Variants in PTPRM observed in about 807,000 individuals in gnomAD.
PTPRM encodes the protein receptor-type tyrosine-protein phosphatase mu.
PTPRM carries 47 observed loss-of-function variants against 186.7 expected under a neutral mutation model. The ratio of observed to expected loss-of-function variants is 0.25; its 90% CI spans 0.20 to 0.32. The LOEUF (loss-of-function observed/expected upper bound fraction) is 0.32, where lower values mean the gene tolerates loss of function less well. PTPRM is among the 10% of genes least tolerant of loss of function. The pLI, the probability that PTPRM is intolerant of heterozygous loss-of-function variation, is 1.00. For synonymous variants in PTPRM, 668 were observed against 674.9 expected (o/e 0.99, Z 0.16); for missense variants, 1,494 against 1,865.0 (o/e 0.80, Z 3.66).
chr18:7,906,641 T>A lies in PTPRM; in HGVS notation c.547+58T>A, dbSNP rs975619572. The A allele has an allele frequency of 1.5e-5, 20 of 1,334,378 alleles. No homozygotes were observed. In the African/African-American group the frequency reaches 2.6e-4, roughly 17 times the overall value. The allele number at this position is 1,334,378 out of a possible 1,614,324, so 82.7% of individuals were successfully genotyped here. A position where few individuals can be genotyped will look rare whatever the true frequency, so the allele number is the denominator to read the frequency against. On this transcript the variant is annotated intron_variant, in intron 4 of 32. Transcript: ENST00000580170. ...CATCATTGGGGGCATGTTTACATTA[T>A]GAATGAAGAGAAGGGATGAAAACCT...
intron 13 of PTPRM, among the ~76,000 whole-genome samples, chr18:8,130,736 C>T (rs1042377114): frequency 1.6e-4 from 24 of 152,262 alleles, no homozygotes; most frequent in African/African-American, 5.8e-4. Flanking sequence ...TAACAGTCCC[C>T]TAACTGTGAT....
chr18:7,772,253 TC>T (rs1255404839), intron 1 of PTPRM, among the ~76,000 whole-genome samples: 2 of 129,502 alleles, frequency 1.5e-5, no homozygotes, highest in African/African-American at 5.2e-5. Flanking sequence ...TTTTTTCTTT[TC>T]TTTTCTTTTC....
chr18:8,213,967 G>T (rs936970572), intron 14 of PTPRM, among the ~76,000 whole-genome samples: 1 of 152,150 alleles, frequency 6.6e-6, no homozygotes, highest in Non-Finnish European at 1.5e-5. Flanking sequence ...CTTTAACTTG[G>T]ATGGAGCTGG....
intron 14 of PTPRM, among the ~76,000 whole-genome samples, chr18:8,172,640 T>TC (rs1163679097): frequency 6.6e-6 from 1 of 151,962 alleles, no homozygotes; most frequent in Non-Finnish European, 1.5e-5. Context: ...TGCCGACATT[T>TC]CTTGTGTCCT....
At chr18:8,270,870 A>C (rs186913555) in intron 19 of PTPRM, among the ~76,000 whole-genome samples, 13 of 152,276 alleles carry the variant, frequency 8.5e-5, no homozygotes, top group African/African-American at 3.1e-4. Context: ...TGTTGGTCAA[A>C]AGGTACAAAC....
rs74698532 is a variant in PTPRM, at chr18:7,600,601, G to A, written c.73+32710G>A. ...TGTCCTTGTGATCACCACCTTGTGC[G>A]TTGTCTCTACCCGCTCCCCTCCCTG... is the stretch of plus-strand genomic sequence containing the variant. On this transcript the variant is annotated intron_variant, in intron 1 of 32. Transcript: ENST00000580170. Among the ~76,000 whole-genome samples, 346 of 152,266 alleles carry A rather than the reference G, an allele frequency of 2.3e-3. 8 individuals are homozygous for A. The East Asian group carries it at 0.051, about 23-fold the overall frequency.
At chr18:8,221,133 A>G (rs1344490407) in intron 14 of PTPRM, among the ~76,000 whole-genome samples, 1 of 151,966 alleles carries the variant, frequency 6.6e-6, no homozygotes, top group Non-Finnish European at 1.5e-5. Context: ...TGCAAATATG[A>G]TTGGAGGGAT....
At chr18:7,942,429 G>A (rs1043082835) in intron 5 of PTPRM, among the ~76,000 whole-genome samples, 6 of 152,152 alleles carry the variant, frequency 3.9e-5, no homozygotes, top group African/African-American at 1.4e-4. Context: ...GGATCTGATG[G>A]TAATAAGCGG....
intron 7 of PTPRM, among the ~76,000 whole-genome samples, chr18:8,066,967 G>A (rs2089133280): frequency 6.6e-6 from 1 of 152,200 alleles, no homozygotes; most frequent in African/African-American, 2.4e-5. Flanking sequence ...ACAGACAGAA[G>A]CCTTTGTTTT....
intron 14 of PTPRM, among the ~76,000 whole-genome samples, chr18:8,199,210 A>G (rs2093819963): frequency 6.6e-6 from 1 of 152,208 alleles, no homozygotes. Flanking sequence ...TACCACATGC[A>G]GTGAAGGAGA....
intron 13 of PTPRM, among the ~76,000 whole-genome samples, chr18:8,143,167 C>T (rs758471341): frequency 4.6e-5 from 7 of 152,128 alleles, no homozygotes; most frequent in Non-Finnish European, 1.0e-4. Flanking sequence ...GGTAAAAATG[C>T]ATGGTAAATG....
At position 7,859,606 on chromosome 18, in the gene PTPRM, C is replaced by T. The variant is rs1010022598; in HGVS notation, c.197-28500C>T. ...CTGGAGTTCCCATAACCCTGGCCTG[C>T]ATAGCAGATGTCACTCCTGTTGGGG... On this transcript the variant is annotated intron_variant, in intron 2 of 32. Transcript: ENST00000580170. Among the ~76,000 whole-genome samples, 7 of 152,186 alleles carry T rather than the reference C, an allele frequency of 4.6e-5. No individual in the cohort carries two copies. In the East Asian group the frequency reaches 7.7e-4, roughly 17 times the overall value.
chr18:8,103,982 GGA>G (rs150256807), intron 11 of PTPRM, among the ~76,000 whole-genome samples: 8,056 of 152,176 alleles, frequency 0.053, 256 homozygotes, highest in Middle Eastern at 0.2. Context: ...CCAGTGCCAG[GGA>G]GAGAGATGGC....
intron 7 of PTPRM, among the ~76,000 whole-genome samples, chr18:7,994,835 G>A (rs943720893): frequency 6.6e-5 from 10 of 151,994 alleles, no homozygotes; most frequent in African/African-American, 2.4e-4. Context: ...TTCTAAGAGG[G>A]AAGTTTATAG....
intron 13 of PTPRM, among the ~76,000 whole-genome samples, chr18:8,131,870 C>T (rs1355958955): frequency 6.6e-6 from 1 of 152,176 alleles, no homozygotes; most frequent in Non-Finnish European, 1.5e-5. Flanking sequence ...ATAAACTTGG[C>T]ACCTGCCTAG....
intron 13 of PTPRM, among the ~76,000 whole-genome samples, chr18:8,138,569 C>T (rs946230510): frequency 2.0e-5 from 3 of 152,126 alleles, no homozygotes; most frequent in African/African-American, 7.2e-5. Context: ...GTTCCTTTTT[C>T]CCTGGGAAAA....
intron 11 of PTPRM, 76 bp from the exon 12 acceptor site, chr18:8,113,410 G>T: frequency 7.4e-7 from 1 of 1,347,524 alleles, no homozygotes. Context: ...GTGTCCTGTG[G>T]GTCCATGCAG....
Position 7,902,767 on chromosome 18 carries a change from C to T in PTPRM, c.469-3738C>T, listed in dbSNP as rs947391368. 1.2e-4 allele frequency among the ~76,000 whole-genome samples: 18 copies of T among 151,204 alleles called. No individual in the cohort carries two copies. In the South Asian group the frequency reaches 1.5e-3, roughly 12 times the overall value. ...AACTTCTGAGTCATCCATTCTGTGA[C>T]GCGATGGATGAAAAAACAGATCTAG... On this transcript the variant is annotated intron_variant, in intron 3 of 32. Transcript: ENST00000580170.
chr18:7,927,930 A>T (rs2051269729), intron 5 of PTPRM, among the ~76,000 whole-genome samples: 1 of 151,876 alleles, frequency 6.6e-6, no homozygotes, highest in African/African-American at 2.4e-5. Context: ...TTTTATAGGG[A>T]TGGATTCTCC....
Sources: gnomAD v4.1 joint callset for allele counts (sites outside exome capture counted in the v4.1 genomes callset) on GRCh38, gnomAD v4.1.1 for gene constraint, MANE v1.5 for transcripts, NCBI Gene and HGNC (gene_info 2026-07-23, HGNC 2026-07-21) for gene names.